The following DOCK6 variants were observed in gnomAD, a reference collection of about 807,000 sequenced individuals.
DOCK6 encodes the protein dedicator of cytokinesis 6.
DOCK6 carries 167 observed loss-of-function variants against 230.3 expected under a neutral mutation model. The observed-to-expected ratio is 0.73, with a 90% CI of 0.64 to 0.82. DOCK6 has a LOEUF of 0.82. DOCK6 is among the 40% of genes least tolerant of loss of function. DOCK6 has a pLI of 0.00. For synonymous variants in DOCK6, 1,148 were observed against 1,185.0 expected (o/e 0.97, Z 0.64); for missense variants, 2,598 against 2,825.8 (o/e 0.92, Z 1.83).
At position 11,201,990 on chromosome 19, in the gene DOCK6, G is replaced by A; in HGVS notation, c.5587C>T (p.His1863Tyr). Reference sequence around the variant, plus strand: ...TTGTGTTGCTCGGGCAGCTCCCCGTGTGCGCGCCCATCCGGCGTGAACGGC... The same window carrying A: ...TTGTGTTGCTCGGGCAGCTCCCCGTATGCGCGCCCATCCGGCGTGAACGGC... ...CTPFTPDGRA[H>Y]GELPEQHKRK... Residue 1863 changes from histidine to tyrosine, a missense_variant, in exon 44 of 48, where the codon CAC becomes TAC. Transcript: ENST00000294618. The surrounding 1 kb of genome is among the most constrained non-coding windows in gnomAD (Gnocchi z 4.3). The A allele has an allele frequency of 6.2e-7, 1 of 1,614,032 alleles. No homozygotes were observed. Among genetic ancestry groups the A allele is most frequent in the African/African-American group, 1.3e-5 (1 of 75,068 alleles).
intron 34 of DOCK6, 48 bp from the exon 35 acceptor site, chr19:11,213,376 G>A: frequency 6.3e-7 from 1 of 1,578,422 alleles, no homozygotes; most frequent in South Asian, 1.1e-5. Context: ...TCCCCGTTCT[G>A]GCTCAGAAGG....
rs767376510 is a variant in DOCK6, at chr19:11,222,179, G to A, written c.3310C>T (p.Arg1104Trp). The change falls in exon 27 of 48, where the codon CGG (arginine) becomes TGG (tryptophan). Residue 1104 changes from arginine to tryptophan, a missense_variant. Arg to Trp is a moderately radical substitution (Grantham distance 101). Transcript: ENST00000294618. The surrounding 1 kb of genome is among the most constrained non-coding windows in gnomAD (Gnocchi z 4.0). ...AGCCCAGCTAGGAAGTGCTGCTGCCGGAATGGTCCACTCAGTTCGAACATG... is the reference window on the plus strand; with the variant it reads ...AGCCCAGCTAGGAAGTGCTGCTGCCAGAATGGTCCACTCAGTTCGAACATG... ...TSMFELSGPFRQQHFLAGLLL... is the reference protein window; with the variant it reads ...TSMFELSGPFWQQHFLAGLLL... 3.1e-5 allele frequency: 50 copies of A among 1,609,168 alleles called. No individual in the cohort carries two copies. Among genetic ancestry groups the A allele is most frequent in the African/African-American group, 8.0e-5 (6 of 74,810 alleles).
At position 11,211,757 on chromosome 19, in the gene DOCK6, G is replaced by A; in HGVS notation, c.4751+19C>T. 1 of 1,539,680 alleles carries A rather than the reference G, an allele frequency of 6.5e-7. No homozygotes were observed. Among genetic ancestry groups the A allele is most frequent in the Non-Finnish European group, 8.8e-7 (1 of 1,136,860 alleles). ...TTGGGGCGTGGGCGTGGCTGAAGGTGCCAGCTGGCCCACCTCACCTGTACA... is the reference window on the plus strand; with the variant it reads ...TTGGGGCGTGGGCGTGGCTGAAGGTACCAGCTGGCCCACCTCACCTGTACA... On this transcript the variant is annotated intron_variant, in intron 37 of 47. Coordinates refer to ENST00000294618, the MANE Select transcript of DOCK6 (RefSeq NM_020812.4).
Position 11,248,112 on chromosome 19 carries a change from G to T in DOCK6, c.760C>A (p.Arg254Ser), listed in dbSNP as rs144085374. The T allele has an allele frequency of 1.1e-5, 18 of 1,612,518 alleles. 1 individual carries two copies. The South Asian group carries it at 1.7e-4, about 15-fold the overall frequency. ...AAGATCCTTTGTCCAAAGTGCTCGC[G>T]GGGTGGCTCTGGGCGGCTACAGCGT... ...VERCSRPEPPREHFGQRILVK... is the reference protein window; with the variant it reads ...VERCSRPEPPSEHFGQRILVK... The change falls in exon 7 of 48, where the codon CGC becomes AGC. Residue 254 changes from arginine (R) to serine (S), a missense_variant. By Grantham distance (110) the Arg-to-Ser change is moderately radical. Transcript: ENST00000294618.
intron 21 of DOCK6, 107 bp from the exon 22 acceptor site, chr19:11,233,473 T>A (rs2079800752): frequency 3.7e-6 from 5 of 1,358,426 alleles, no homozygotes; most frequent in Non-Finnish European, 5.0e-6. Context: ...TCTCTGAGCC[T>A]CTAAGTTCCT....
chr19:11,214,968 A>G (rs1364717155), intron 32 of DOCK6, among the ~76,000 whole-genome samples: 3 of 130,396 alleles, frequency 2.3e-5, no homozygotes, highest in African/African-American at 3.0e-5. Flanking sequence ...TTTGAGATGG[A>G]GTCTCGCTCT....
Position 11,236,802 on chromosome 19 carries a change from C to T in DOCK6, c.2151G>A (p.Val717=). The change falls in exon 19 of 48, where the codon GTG becomes GTA. Residue 717 remains valine (V), a synonymous_variant. Transcript: ENST00000294618. The surrounding 1 kb of genome is among the most constrained non-coding windows in gnomAD (Gnocchi z 5.2). ...CCGGCCCACCCCGTACCTGGGGGTG[C>T]ACAGAGGACACGGCTGTGAGCTCCA... ...FSVELTAVSS[V]HPQDPYLDKF... is the part of the protein sequence containing the mutation. 2 of 1,553,334 alleles carry T rather than the reference C, an allele frequency of 1.3e-6. No homozygotes were observed. Among genetic ancestry groups the T allele is most frequent in the Non-Finnish European group, 1.7e-6 (2 of 1,148,382 alleles).
Position 11,250,898 on chromosome 19 carries a change from G to A in DOCK6, c.696C>T (p.Leu232=). The A allele has an allele frequency of 6.2e-7, 1 of 1,603,786 alleles. No homozygotes were observed. Among genetic ancestry groups the A allele is most frequent in the Non-Finnish European group, 8.5e-7 (1 of 1,171,874 alleles). ...CCTCGTCAGGTGCCGGGTAGAGGGT[G>A]AGCAGGGCCGGGGGCCGGTGCTGCC... The part of the protein sequence containing the change: ...LRRQHRPPAL[L]TLYPAPDEDE... The change falls in exon 6 of 48, where the codon CTC becomes CTT. Residue 232 remains leucine (L), a synonymous_variant. Transcript: ENST00000294618.
rs750026153 is a variant in DOCK6 at position 11,214,343 on chromosome 19, G to C, written c.4270C>G (p.Leu1424Val). 6.2e-7 allele frequency: 1 copy of C among 1,613,738 alleles called. No homozygotes were observed. The highest frequency in any genetic ancestry group is 1.1e-5 in the South Asian group (1 of 91,088). The change falls in exon 34 of 48, where the codon CTG (leucine) becomes GTG (valine). Residue 1424 changes from leucine to valine, a missense_variant. Coordinates refer to ENST00000294618, the MANE Select transcript of DOCK6 (RefSeq NM_020812.4). ...AAGAGGGCACTCTGGGCACTGCCCA[G>C]GCTGTACAGCACAACCTTCAGCACT... ...GAVLKVVLYS[L>V]GSAQSALFLQ...
chr19:11,201,095 G>A lies in DOCK6; in HGVS notation c.5689-43C>T. The A allele has an allele frequency of 1.2e-6, 2 of 1,607,252 alleles. No homozygotes were observed. Among genetic ancestry groups the A allele is most frequent in the East Asian group, 2.2e-5 (1 of 44,742 alleles). On this transcript the variant is annotated intron_variant, in intron 44 of 47. Coordinates refer to ENST00000294618, the MANE Select transcript of DOCK6 (RefSeq NM_020812.4). The surrounding 1 kb of genome is among the most constrained non-coding windows in gnomAD (Gnocchi z 4.3). ...GGGTGTGTACTCGCTGGGGCCTGAG[G>A]AGGTCCTGATCGAAGCCAGTCGGGG...
At chr19:11,250,719 C>A (rs1350772293) in intron 6 of DOCK6, among the ~76,000 whole-genome samples, 155 bp downstream of exon 6, 2 of 152,178 alleles carry the variant, frequency 1.3e-5, no homozygotes, top group Admixed American at 6.5e-5. Context: ...ATTGAATAAA[C>A]ATAGGATATA....
chr19:11,229,613 G>A (rs868365193), intron 22 of DOCK6, among the ~76,000 whole-genome samples: 16 of 152,098 alleles, frequency 1.1e-4, no homozygotes, highest in South Asian at 6.2e-4. Context: ...AGGGGAGGCT[G>A]GTTGGAATGG....
intron 14 of DOCK6, chr19:11,241,675 G>T (rs747632185): frequency 6.3e-7 from 1 of 1,583,232 alleles, no homozygotes; most frequent in Admixed American, 1.8e-5. Context: ...ACACAGCGGC[G>T]CTCCCAGCCT....
At chr19:11,203,723 G>A in intron 41 of DOCK6, 1 of 374,774 alleles carries the variant, frequency 2.7e-6, no homozygotes, top group Non-Finnish European at 4.9e-6. Context: ...TACCAAGATA[G>A]GGAGAGCCAC....
chr19:11,255,735 G>A (rs1034821722), intron 1 of DOCK6, among the ~76,000 whole-genome samples: 1 of 152,074 alleles, frequency 6.6e-6, no homozygotes, highest in Non-Finnish European at 1.5e-5. Flanking sequence ...GATTGCCTGG[G>A]TTTTCAGGGC....
At position 11,237,539 on chromosome 19, in the gene DOCK6, G is replaced by A. The variant is rs763009445; in HGVS notation, c.1990C>T (p.His664Tyr). The change falls in exon 18 of 48, where the codon CAC becomes TAC. Residue 664 changes from histidine (H) to tyrosine (Y), a missense_variant. Transcript: ENST00000294618. Reference sequence around the variant, plus strand: ...AAGGGGCCGGTCCTCAGGCGCCCGTGCTGCAGCAGTGGGATCCACTGGGGA... The same window carrying A: ...AAGGGGCCGGTCCTCAGGCGCCCGTACTGCAGCAGTGGGATCCACTGGGGA... ...VGFTWIPLLQ[H>Y]GRLRTGPFCL... 11 of 1,612,656 alleles carry A rather than the reference G, an allele frequency of 6.8e-6. No individual in the cohort carries two copies. Among genetic ancestry groups the A allele is most frequent in the South Asian group, 1.1e-5 (1 of 91,018 alleles).
At chr19:11,210,912 CTCACCTGTCTATCCTG>C (rs2147739538) in intron 37 of DOCK6, among the ~76,000 whole-genome samples, 1 of 151,948 alleles carries the variant, frequency 6.6e-6, no homozygotes, top group African/African-American at 2.4e-5. Flanking sequence ...TGTCCATCCC[CTCACCTGTCTATCCTG>C]TCACCTGTGT....
intron 21 of DOCK6, among the ~76,000 whole-genome samples, chr19:11,234,982 G>A (rs2079823851): frequency 6.6e-6 from 1 of 150,946 alleles, no homozygotes; most frequent in South Asian, 2.1e-4. Flanking sequence ...TTGCTCTGTT[G>A]CCCAGACTGG....
chr19:11,228,416 G>A (rs2079704985), intron 23 of DOCK6, among the ~76,000 whole-genome samples: 1 of 151,970 alleles, frequency 6.6e-6, no homozygotes, highest in Non-Finnish European at 1.5e-5. Flanking sequence ...CATGGGGAAG[G>A]GTGGCTCTCT....
Sources: gnomAD v4.1 joint callset for allele counts (sites outside exome capture counted in the v4.1 genomes callset) on GRCh38, gnomAD v4.1.1 for gene constraint, Gnocchi (gnomAD v3.1) non-coding constraint, MANE v1.5 for transcripts, NCBI Gene and HGNC (gene_info 2026-07-23, HGNC 2026-07-21) for gene names.